The following CHAT variants were observed in gnomAD, a reference collection of about 807,000 sequenced individuals.
The protein encoded by CHAT is acetyl CoA:choline O-acetyltransferase.
CHAT carries 61 observed loss-of-function variants against 76.9 expected under a neutral mutation model. The ratio of observed to expected loss-of-function variants is 0.79; its 90% CI spans 0.65 to 0.98. The LOEUF is 0.98. Among genes scored for constraint, CHAT ranks in the 50% least tolerant of loss-of-function variants. The pLI is 0.00. For synonymous variants in CHAT, 407 were observed against 397.4 expected (o/e 1.02, Z -0.29); for missense variants, 946 against 986.9 (o/e 0.96, Z 0.56).
chr10:49,640,502 G>GC (rs1554805995), intron 7 of CHAT, among the ~76,000 whole-genome samples: 2 of 77,686 alleles, frequency 2.6e-5, no homozygotes, highest in Admixed American at 1.5e-4. Flanking sequence ...CTGCAGGGTT[G>GC]GGGGGTGGAA....
intron 7 of CHAT, among the ~76,000 whole-genome samples, chr10:49,644,069 T>C (rs1839578774): frequency 6.6e-6 from 1 of 152,212 alleles, no homozygotes; most frequent in Non-Finnish European, 1.5e-5. Flanking sequence ...CAATTCCACA[T>C]CTGCACTGAG....
At chr10:49,662,501 A>T (rs1251159880) in intron 13 of CHAT, 144 bp from the exon 14 acceptor site, 1 of 1,066,694 alleles carries the variant, frequency 9.4e-7, no homozygotes, top group African/African-American at 1.6e-5. Context: ...GCAGCCACTC[A>T]TACACATTGT....
Position 49,665,883 on chromosome 10 carries a change from G to A in CHAT, c.*837G>A, listed in dbSNP as rs945722671. Among the ~76,000 whole-genome samples the A allele has an allele frequency of 9.2e-5, 14 of 152,226 alleles. No individual in the cohort carries two copies. The highest frequency in any genetic ancestry group is 2.4e-4 in the African/African-American group (10 of 41,528). ...TTTGCAGAGGACCTGGCCCCTTCCC[G>A]GGGTCCTGCCATTTGCATTTTTTCT... On this transcript the variant is annotated 3_prime_UTR_variant, in exon 15 of 15. Coordinates refer to ENST00000337653, the MANE Select transcript of CHAT (RefSeq NM_020549.5).
intron 5 of CHAT, among the ~76,000 whole-genome samples, chr10:49,622,819 G>A (rs1251183785): frequency 6.6e-6 from 1 of 152,208 alleles, no homozygotes; most frequent in Admixed American, 6.5e-5. Context: ...AGCTCAGAGA[G>A]GTTAAGTAAC....
chr10:49,611,971 G>A (rs1417056757), upstream of CHAT: 1 of 1,613,182 alleles, frequency 6.2e-7, no homozygotes, highest in African/African-American at 1.3e-5. Context: ...CCTGGTGGAC[G>A]TGCGCCATGT....
chr10:49,652,894 C>T (rs1839924838), intron 11 of CHAT, among the ~76,000 whole-genome samples: 1 of 152,158 alleles, frequency 6.6e-6, no homozygotes, highest in Non-Finnish European at 1.5e-5. Context: ...CTTTCCAGCC[C>T]AGTTTCCATC....
chr10:49,640,117 A>G (rs1839430188), intron 7 of CHAT, among the ~76,000 whole-genome samples: 1 of 151,752 alleles, frequency 6.6e-6, no homozygotes, highest in South Asian at 2.1e-4. Context: ...ATATGTTAAA[A>G]TTGCTTGTTG....
At chr10:49,652,120 A>G in intron 11 of CHAT, 114 bp downstream of exon 11, 1 of 1,408,226 alleles carries the variant, frequency 7.1e-7, no homozygotes, top group Non-Finnish European at 1.0e-6. Context: ...GGCCTGGAAG[A>G]CTGGAGAGGG....
intron 11 of CHAT, 89 bp downstream of exon 11, chr10:49,652,095 G>A (rs1329541033): frequency 3.2e-6 from 5 of 1,568,360 alleles, no homozygotes; most frequent in Non-Finnish European, 4.4e-6. Context: ...CTGGAGGGAG[G>A]GACAGCCTTC....
intron 3 of CHAT, 93 bp downstream of exon 3, chr10:49,620,009 A>C: frequency 7.6e-7 from 1 of 1,315,760 alleles, no homozygotes; most frequent in Non-Finnish European, 1.1e-6. Context: ...GGGGACAAAG[A>C]CAGGGCAGAA....
intron 11 of CHAT, 42 bp downstream of exon 11, chr10:49,652,048 G>A (rs761888149): frequency 1.9e-5 from 31 of 1,613,590 alleles, no homozygotes; most frequent in East Asian, 4.5e-5. Context: ...GAGGGCTGAC[G>A]GACACAGTGC....
At chr10:49,642,528 G>T (rs559662141) in intron 7 of CHAT, among the ~76,000 whole-genome samples, 126 of 152,346 alleles carry the variant, frequency 8.3e-4, no homozygotes, top group Non-Finnish European at 1.5e-3. Flanking sequence ...GAGGTGACAA[G>T]GGCAGTGATG....
At chr10:49,624,718 AGGATGGAT>A (rs765655170) in intron 5 of CHAT, among the ~76,000 whole-genome samples, 1 of 148,228 alleles carries the variant, frequency 6.7e-6, no homozygotes, top group Non-Finnish European at 1.5e-5. Flanking sequence ...GAAGGAAGGA[AGGATGGAT>A]GGACGGATGG....
At chr10:49,627,077 G>A (rs1018179486) in intron 6 of CHAT, among the ~76,000 whole-genome samples, 2 of 152,190 alleles carry the variant, frequency 1.3e-5, no homozygotes, top group Admixed American at 6.5e-5. Flanking sequence ...TCAATGGCTG[G>A]GTAGACATGC....
rs1441115898 is a variant in CHAT, at chr10:49,665,751, G to T, written c.*705G>T. ...TGAAAGGAAAAAAAAATTTATCTGT[G>T]ACTGCCCTGGAGTTGCTGCCACTCT... On this transcript the variant is annotated 3_prime_UTR_variant, in exon 15 of 15. Coordinates refer to ENST00000337653, the MANE Select transcript of CHAT (RefSeq NM_020549.5). Among the ~76,000 whole-genome samples the T allele has an allele frequency of 1.3e-5, 2 of 152,144 alleles. No homozygotes were observed. The highest frequency in any genetic ancestry group is 4.8e-5 in the African/African-American group (2 of 41,430).
intron 7 of CHAT, among the ~76,000 whole-genome samples, chr10:49,634,244 G>C (rs1348730925): frequency 2.6e-5 from 4 of 152,194 alleles, no homozygotes; most frequent in Admixed American, 2.6e-4. Context: ...TGTCTCCTGG[G>C]GCCTGGGCTT....
At chr10:49,629,583 C>T (rs1839043280) in intron 7 of CHAT, among the ~76,000 whole-genome samples, 1 of 152,230 alleles carries the variant, frequency 6.6e-6, no homozygotes, top group South Asian at 2.1e-4. Flanking sequence ...AGGCCAGGCC[C>T]AAGACACGCC....
upstream of CHAT, chr10:49,610,712 CG>C (rs1838267117): frequency 6.8e-7 from 1 of 1,465,172 alleles, no homozygotes; most frequent in African/African-American, 1.4e-5. Context: ...CTGGCGGAGG[CG>C]TCCTCGGAAG....
rs549955793 is a variant in CHAT, at chr10:49,656,232, A to T, written c.1839+784A>T. ...GGTCCCTAATTCATCTAAATACTTC[A>T]GTGTTTGTTCTATTTGGGGAAAACA... On this transcript the variant is annotated intron_variant, in intron 13 of 14. Coordinates refer to ENST00000337653, the MANE Select transcript of CHAT (RefSeq NM_020549.5). Among the ~76,000 whole-genome samples the T allele has an allele frequency of 5.9e-4, 89 of 150,400 alleles. 2 individuals are homozygous for T. The highest frequency in any genetic ancestry group is 2.9e-4 in the Non-Finnish European group (20 of 67,912).
Sources: gnomAD v4.1 joint callset for allele counts (sites outside exome capture counted in the v4.1 genomes callset) on GRCh38, gnomAD v4.1.1 for gene constraint, MANE v1.5 for transcripts, NCBI Gene and HGNC (gene_info 2026-07-23, HGNC 2026-07-21) for gene names.